ABCD3: variants seen among roughly 807,000 people sequenced by gnomAD.
The protein encoded by ABCD3 is ATP binding cassette subfamily D member 3.
ABCD3 carries 41 observed loss-of-function variants against 105.5 expected under a neutral mutation model. The ratio of observed to expected loss-of-function variants is 0.39; its 90% CI spans 0.30 to 0.50. The LOEUF is 0.50. Among genes scored for constraint, ABCD3 ranks in the 20% least tolerant of loss-of-function variants. The pLI, the probability that ABCD3 is intolerant of heterozygous loss-of-function variation, is 0.84. For missense variants in ABCD3, 622 were observed against 806.3 expected, an observed-to-expected ratio of 0.77 and a Z score of 2.77; for synonymous variants, 258 against 269.0, an observed-to-expected ratio of 0.96 and a Z score of 0.40.
chr1:94,405,008 T>C, the ABCD3 span, among the ~76,000 whole-genome samples: 1 of 151,084 alleles, frequency 6.6e-6, no homozygotes, highest in Non-Finnish European at 1.5e-5. Flanking sequence ...TGTAGCTGCA[T>C]AGAACTCATT....
At chr1:94,451,029 A>G (rs568081700) in intron 1 of ABCD3, among the ~76,000 whole-genome samples, 20 of 152,148 alleles carry the variant, frequency 1.3e-4, no homozygotes, top group African/African-American at 3.6e-4. Context: ...AAACCTATTG[A>G]TTATATGTTT....
chr1:94,452,578 A>T (rs1647306317), intron 1 of ABCD3, among the ~76,000 whole-genome samples: 1 of 152,206 alleles, frequency 6.6e-6, no homozygotes, highest in Non-Finnish European at 1.5e-5. Flanking sequence ...ATTTATTTTT[A>T]AATTTTAATG....
intron 20 of ABCD3, among the ~76,000 whole-genome samples, chr1:94,506,176 T>A (rs1288591865): frequency 6.6e-6 from 1 of 152,182 alleles, no homozygotes; most frequent in Non-Finnish European, 1.5e-5. Context: ...CCTTTTTGCG[T>A]CGGAGTCATC....
chr1:94,390,416 C>T, the ABCD3 span, among the ~76,000 whole-genome samples: 1 of 152,096 alleles, frequency 6.6e-6, no homozygotes, highest in Non-Finnish European at 1.5e-5. Context: ...AATTCTCCTG[C>T]CTCAGCCTCT....
intron 13 of ABCD3, 131 bp downstream of exon 13, chr1:94,488,114 A>G (rs1022891919): frequency 5.1e-6 from 4 of 784,414 alleles, no homozygotes; most frequent in Non-Finnish European, 8.3e-6. Flanking sequence ...TTGATAGAAA[A>G]TTAAGGAAGA....
intron 22 of ABCD3, 29 bp downstream of exon 22, chr1:94,515,231 G>T (rs1650865414): frequency 1.3e-6 from 2 of 1,551,844 alleles, no homozygotes; most frequent in African/African-American, 1.4e-5. Context: ...GAATGGTACA[G>T]TGAAATTTTA....
intron 21 of ABCD3, chr1:94,513,582 C>G (rs1650784121): frequency 6.6e-6 from 1 of 151,970 alleles, no homozygotes; most frequent in African/African-American, 2.4e-5. Flanking sequence ...AATACAGTTT[C>G]AAATTTACAA....
chr1:94,455,893 CATT>C, intron 1 of ABCD3: 1 of 1,183,360 alleles, frequency 8.5e-7, no homozygotes, highest in South Asian at 1.5e-5. Context: ...CAATTTATAA[CATT>C]TATTAGTGGT....
In ABCD3 at chr1:94,517,755, C is replaced by CGTA. The variant is rs550750481; in HGVS notation, c.*626_*627insGTA. On this transcript the variant is annotated 3_prime_UTR_variant, in exon 23 of 23. Coordinates refer to ENST00000370214, the MANE Select transcript of ABCD3 (RefSeq NM_002858.4). ...TTTCCTTAACTAAATGATAAATGTA[C>CGTA]CCCTCTCAGTCTGCAGTATTGAGTT... is the stretch of plus-strand genomic sequence containing the variant. 1.7e-3 allele frequency: 266 copies of CGTA among 155,702 alleles called. 2 individuals are homozygous for CGTA. The highest frequency in any genetic ancestry group is 6.8e-3 in the Middle Eastern group (2 of 296). The allele number at this position is 155,702 out of a possible 1,614,324, so 9.6% of individuals were successfully genotyped here.
In ABCD3 at chr1:94,433,155, C is replaced by CT. The variant is rs74203433; in HGVS notation, c.110+14582dup. 9.6e-3 allele frequency among the ~76,000 whole-genome samples: 1,255 copies of CT among 130,992 alleles called. 10 individuals carry two copies. The highest frequency in any genetic ancestry group is 0.027 in the African/African-American group (962 of 35,578). The allele number at this position is 130,992 out of a possible 152,430, so 85.9% of individuals were successfully genotyped here. A position where few individuals can be genotyped will look rare whatever the true frequency, so the allele number is the denominator to read the frequency against. On this transcript the variant is annotated intron_variant, in intron 1 of 22. Transcript: ENST00000370214. ...ACAGGCGTAAGCCACAACGCCCAGC[C>CT]TTTTTTTTTTTTTTTCCAGACATAG...
chr1:94,500,748 A>G (rs1372639809), intron 20 of ABCD3, among the ~76,000 whole-genome samples: 1 of 152,102 alleles, frequency 6.6e-6, no homozygotes, highest in Non-Finnish European at 1.5e-5. Context: ...TACCCACTCT[A>G]CATGAGGTTA....
At chr1:94,476,320 A>G (rs927003329) in intron 7 of ABCD3, among the ~76,000 whole-genome samples, 1 of 152,118 alleles carries the variant, frequency 6.6e-6, no homozygotes, top group Non-Finnish European at 1.5e-5. Flanking sequence ...TATCTTAGTC[A>G]TGTTATCTCA....
At chr1:94,425,811 A>G (rs1046991104) in intron 1 of ABCD3, among the ~76,000 whole-genome samples, 2 of 152,198 alleles carry the variant, frequency 1.3e-5, no homozygotes, top group Non-Finnish European at 2.9e-5. Context: ...TTTTTTGTGC[A>G]GCTACTTGAT....
At position 94,517,533 on chromosome 1, in the gene ABCD3, T is replaced by C. The variant is rs1227393210; in HGVS notation, c.*404T>C. On this transcript the variant is annotated 3_prime_UTR_variant, in exon 23 of 23. Coordinates refer to ENST00000370214, the MANE Select transcript of ABCD3 (RefSeq NM_002858.4). ...AACTGGGTCATCATTTGTCCTGTTC[T>C]AGCAAGATAGTCTTCAGTTTCATTT... 1 of 212,706 alleles carries C rather than the reference T, an allele frequency of 4.7e-6. No homozygotes were observed. The highest frequency in any genetic ancestry group is 9.5e-6 in the Non-Finnish European group (1 of 104,962). 13.2% of individuals were successfully genotyped at this position (212,706 alleles called of 1,614,324 possible).
rs757294300 is a variant in ABCD3, at chr1:94,475,638, G to A, written c.528G>A (p.Gly176=). ...GAGCTTTCACATATTATAAAATGGGGAATCTGGACAACAGAATAGCTAATC... is the reference window on the plus strand; with the variant it reads ...GAGCTTTCACATATTATAAAATGGGAAATCTGGACAACAGAATAGCTAATC... ...YLQAFTYYKM[G]NLDNRIANPD... is the part of the protein sequence containing the mutation. Residue 176 remains glycine, a synonymous_variant, in exon 7 of 23, where the codon GGG becomes GGA. Transcript: ENST00000370214. 8.7e-6 allele frequency: 14 copies of A among 1,612,128 alleles called. No individual in the cohort carries two copies. The East Asian group carries it at 2.7e-4, about 31-fold the overall frequency.
Position 94,487,996 on chromosome 1 carries a change from A to G in ABCD3, c.1157+13A>G, listed in dbSNP as rs1649351971. On this transcript the variant is annotated intron_variant, in intron 13 of 22. Transcript: ENST00000370214. ...CTAGATTGGCCGGGTAAGATTAGTA[A>G]TAATGAGCTGTTGCAGAAAATAATT... is the stretch of plus-strand genomic sequence containing the variant. 1 of 1,585,842 alleles carries G rather than the reference A, an allele frequency of 6.3e-7. No individual in the cohort carries two copies. The highest frequency in any genetic ancestry group is 1.3e-5 in the African/African-American group (1 of 74,450).
the ABCD3 span, among the ~76,000 whole-genome samples, chr1:94,394,097 A>G: frequency 6.6e-6 from 1 of 152,200 alleles, no homozygotes; most frequent in African/African-American, 2.4e-5. Context: ...CAACCATTGG[A>G]CCCACAGAAA....
At position 94,430,525 on chromosome 1, in the gene ABCD3, C is replaced by T. The variant is rs150366339; in HGVS notation, c.110+11937C>T. ...CTAGTGATAGTGAATAAGTCTCATG[C>T]GATCTGATACTTTTATAAAGAGAAG... is the stretch of plus-strand genomic sequence containing the variant. On this transcript the variant is annotated intron_variant, in intron 1 of 22. Transcript: ENST00000370214. 5.4e-3 allele frequency among the ~76,000 whole-genome samples: 823 copies of T among 152,164 alleles called. 8 individuals carry two copies. Among genetic ancestry groups the T allele is most frequent in the African/African-American group, 0.019 (795 of 41,504 alleles).
the ABCD3 span, among the ~76,000 whole-genome samples, chr1:94,391,009 G>A: frequency 6.6e-6 from 1 of 152,124 alleles, no homozygotes; most frequent in African/African-American, 2.4e-5. Context: ...AAAGTCTGAG[G>A]ATTTTCTTTT....
Sources: gnomAD v4.1 joint callset for allele counts (sites outside exome capture counted in the v4.1 genomes callset) on GRCh38, gnomAD v4.1.1 for gene constraint, MANE v1.5 for transcripts, NCBI Gene and HGNC (gene_info 2026-07-23, HGNC 2026-07-21) for gene names.